Variants in PRKN observed in about 807,000 individuals in gnomAD.
PRKN encodes the protein parkin RBR E3 ubiquitin protein ligase, also known as E3 ubiquitin-protein ligase parkin.
Under a neutral mutation model 59.5 loss-of-function variants are expected in PRKN, and 56 were observed. The observed-to-expected ratio is 0.94, with a 90% CI of 0.76 to 1.18. PRKN has a LOEUF of 1.18. Ranked by LOEUF, PRKN falls within the 50% of genes most tolerant of loss-of-function variation. The pLI is 0.00. For synonymous variants in PRKN, 250 were observed against 222.1 expected, an observed-to-expected ratio of 1.13 and a Z score of -1.12; for missense variants, 657 against 596.4, an observed-to-expected ratio of 1.10 and a Z score of -1.06.
intron 6 of PRKN, among the ~76,000 whole-genome samples, chr6:161,971,953 A>G (rs1246056633): frequency 6.6e-6 from 1 of 152,186 alleles, no homozygotes; most frequent in East Asian, 1.9e-4. Context: ...GACTTTATTC[A>G]TTAATTCATT....
rs1020323355 is a variant in PRKN at position 161,353,362 on chromosome 6, G to C, written c.1286-3151C>G. 6.6e-6 allele frequency among the ~76,000 whole-genome samples: 1 copy of C among 152,108 alleles called. No homozygotes were observed. The highest frequency in any genetic ancestry group is 1.5e-5 in the Non-Finnish European group (1 of 68,022). On this transcript the variant is annotated intron_variant, in intron 11 of 11. Coordinates refer to ENST00000366898, the MANE Select transcript of PRKN (RefSeq NM_004562.3). This position sits in a 1 kb window ranked among gnomAD's most constrained non-coding sequence, Gnocchi z 4.8. ...AGGGAGGCCAAGAAGAATCTAGACC[G>C]GCAGGCCTTGCAGGGTCTCCCCACT...
In PRKN at chr6:161,405,434, C is replaced by T. The variant is rs1787220390; in HGVS notation, c.1084-18557G>A. ...CTCTACCGAAAATGCACAAATTAGC[C>T]AGGCATGGTGGCACACATCTGTAAT... On this transcript the variant is annotated intron_variant, in intron 9 of 11. Coordinates refer to ENST00000366898, the MANE Select transcript of PRKN (RefSeq NM_004562.3). The surrounding 1 kb of genome is among the most constrained non-coding windows in gnomAD (Gnocchi z 5.1). 6.6e-6 allele frequency among the ~76,000 whole-genome samples: 1 copy of T among 151,742 alleles called. No homozygotes were observed. The highest frequency in any genetic ancestry group is 2.1e-4 in the South Asian group (1 of 4,802).
At position 161,349,880 on chromosome 6, in the gene PRKN, T is replaced by C. The variant is rs956639141; in HGVS notation, c.*219A>G. On this transcript the variant is annotated 3_prime_UTR_variant, in exon 12 of 12. Transcript: ENST00000366898. This position sits in a 1 kb window ranked among gnomAD's most constrained non-coding sequence, Gnocchi z 5.5. ...ACAAACTGAAAGGGATTCAGGAGCT[T>C]CTTCTGTAATTTTACTCTGCTGTTT... The C allele has an allele frequency of 2.1e-5, 13 of 605,344 alleles. 1 individual carries two copies. In the South Asian group the frequency reaches 2.4e-4, roughly 11 times the overall value. The allele number at this position is 605,344 out of a possible 1,614,324, so 37.5% of individuals were successfully genotyped here. A position where few individuals can be genotyped will look rare whatever the true frequency, so the allele number is the denominator to read the frequency against.
intron 10 of PRKN, among the ~76,000 whole-genome samples, chr6:161,375,182 G>A (rs556989077): frequency 6.6e-4 from 101 of 152,278 alleles, no homozygotes; most frequent in Admixed American, 3.9e-3. Context: ...GGAACCCCCC[G>A]GGGGTGCTGA....
At chr6:162,033,306 C>T (rs2128279738) in intron 5 of PRKN, among the ~76,000 whole-genome samples, 1 of 152,284 alleles carries the variant, frequency 6.6e-6, no homozygotes, top group African/African-American at 2.4e-5. Context: ...CATAGAAGAA[C>T]AGGAAACTGG....
chr6:162,627,246 T>C (rs1215812991), intron 1 of PRKN, among the ~76,000 whole-genome samples: 1 of 152,196 alleles, frequency 6.6e-6, no homozygotes, highest in African/African-American at 2.4e-5. Context: ...TACATAATAG[T>C]GCAGAGGTGA....
chr6:162,123,220 AAAAG>A lies in PRKN; in HGVS notation c.535-69050_535-69047del, dbSNP rs535103948. Among the ~76,000 whole-genome samples the A allele has an allele frequency of 1.0e-3, 156 of 152,262 alleles. 1 individual carries two copies. The highest frequency in any genetic ancestry group is 6.8e-3 in the Middle Eastern group (2 of 294). On this transcript the variant is annotated intron_variant, in intron 4 of 11. Transcript: ENST00000366898. ...GGCAGCTCATGGTATTTCCATGTCCAAAAGTACAAGTTAATGAAAACTATGGCAA... is the reference window on the plus strand; with the variant it reads ...GGCAGCTCATGGTATTTCCATGTCCATACAAGTTAATGAAAACTATGGCAA...
At chr6:161,474,999 G>C (rs1790996237) in intron 9 of PRKN, among the ~76,000 whole-genome samples, 1 of 151,326 alleles carries the variant, frequency 6.6e-6, no homozygotes, top group Non-Finnish European at 1.5e-5. Flanking sequence ...CCGCCTCCTG[G>C]GTTCAAGTGA....
At chr6:162,585,784 C>T (rs1480161538) in intron 1 of PRKN, among the ~76,000 whole-genome samples, 1 of 151,080 alleles carries the variant, frequency 6.6e-6, no homozygotes, top group Non-Finnish European at 1.5e-5. Flanking sequence ...CTCACTGCAA[C>T]CTCCACCTCC....
At chr6:161,902,716 A>C (rs1290502833) in intron 6 of PRKN, among the ~76,000 whole-genome samples, 1 of 151,794 alleles carries the variant, frequency 6.6e-6, no homozygotes, top group Non-Finnish European at 1.5e-5. Context: ...GCCTGCCACC[A>C]CGCCTAATTT....
At chr6:161,931,653 T>A (rs1779175635) in intron 6 of PRKN, among the ~76,000 whole-genome samples, 1 of 152,208 alleles carries the variant, frequency 6.6e-6, no homozygotes, top group African/African-American at 2.4e-5. Flanking sequence ...GGGCACCTAT[T>A]TTAATAATGG....
rs993470908 is a variant in PRKN, at chr6:161,402,099, G to A, written c.1084-15222C>T. On this transcript the variant is annotated intron_variant, in intron 9 of 11. Transcript: ENST00000366898. This position sits in a 1 kb window ranked among gnomAD's most constrained non-coding sequence, Gnocchi z 4.5. ...ACTTAGAGAGCTGATTGTCATCACCGCCCTGACAGTCTCAGTGGCAGGCCA... is the reference window on the plus strand; with the variant it reads ...ACTTAGAGAGCTGATTGTCATCACCACCCTGACAGTCTCAGTGGCAGGCCA... 4.6e-5 allele frequency among the ~76,000 whole-genome samples: 7 copies of A among 152,040 alleles called. No individual in the cohort carries two copies. The highest frequency in any genetic ancestry group is 1.3e-4 in the Admixed American group (2 of 15,258).
At chr6:162,154,970 A>C (rs1285974038) in intron 4 of PRKN, among the ~76,000 whole-genome samples, 3 of 132,134 alleles carry the variant, frequency 2.3e-5, no homozygotes, top group Admixed American at 7.3e-5. Context: ...CAGGTGATGC[A>C]AAAAAAAAAA....
chr6:162,259,348 GCAGAGTTTCT>G (rs1259858630), intron 3 of PRKN, among the ~76,000 whole-genome samples: 1 of 152,172 alleles, frequency 6.6e-6, no homozygotes, highest in Non-Finnish European at 1.5e-5. Flanking sequence ...TAGCCATAGG[GCAGAGTTTCT>G]CAGAGTATGG....
intron 1 of PRKN, among the ~76,000 whole-genome samples, chr6:162,709,486 T>C (rs1778450745): frequency 6.6e-6 from 1 of 152,060 alleles, no homozygotes; most frequent in Non-Finnish European, 1.5e-5. Context: ...CTGCTTGTTA[T>C]AAAAGCAGTG....
chr6:162,406,508 T>C (rs1196829285), intron 2 of PRKN, among the ~76,000 whole-genome samples: 1 of 152,224 alleles, frequency 6.6e-6, no homozygotes, highest in Non-Finnish European at 1.5e-5. Flanking sequence ...GACCTCTCTG[T>C]TTCAATGTAT....
At chr6:161,873,663 G>A (rs1794438140) in intron 6 of PRKN, among the ~76,000 whole-genome samples, 1 of 151,684 alleles carries the variant, frequency 6.6e-6, no homozygotes, top group Non-Finnish European at 1.5e-5. Flanking sequence ...GCCAGTTGAG[G>A]CGTTTGATTG....
chr6:161,895,689 C>A (rs1359536557), intron 6 of PRKN, among the ~76,000 whole-genome samples: 1 of 147,976 alleles, frequency 6.8e-6, no homozygotes, highest in Non-Finnish European at 1.5e-5. Context: ...GTTATGCCCC[C>A]CAGTGAGGCT....
intron 4 of PRKN, among the ~76,000 whole-genome samples, chr6:162,147,133 G>A (rs2128312592): frequency 6.6e-6 from 1 of 151,130 alleles, no homozygotes; most frequent in Non-Finnish European, 1.5e-5. Context: ...TTGAGGCCAG[G>A]AGTTCAAGAC....
Sources: allele counts gnomAD v4.1 joint callset (sites outside exome capture counted in the v4.1 genomes callset), GRCh38; gene constraint gnomAD v4.1.1; non-coding constraint Gnocchi (gnomAD v3.1); transcripts MANE v1.5; gene names NCBI Gene and HGNC (gene_info 2026-07-23, HGNC 2026-07-21).